Variants in DNHD1 observed in about 807,000 individuals in gnomAD.
DNHD1 encodes the protein dynein heavy chain domain-containing protein 1.
Under a neutral mutation model 458.1 loss-of-function variants are expected in DNHD1, and 383 were observed. That is an observed-to-expected ratio of 0.84 (90% CI 0.77 to 0.91). The LOEUF is 0.91. Ranked by LOEUF, DNHD1 falls within the 40% of genes least tolerant of loss-of-function variation. The pLI is 0.00. For synonymous variants in DNHD1, 2,203 were observed against 2,376.9 expected (o/e 0.93, Z 2.13); for missense variants, 5,336 against 5,866.1 (o/e 0.91, Z 2.95).
intron 10 of DNHD1, among the ~76,000 whole-genome samples, chr11:6,527,667 A>G (rs1306075964): frequency 6.6e-6 from 1 of 152,218 alleles, no homozygotes; most frequent in Non-Finnish European, 1.5e-5. Context: ...GAGCAAATAT[A>G]TGGTACTTAC....
At chr11:6,511,967 G>GATATTC (rs1025323129) in intron 7 of DNHD1, among the ~76,000 whole-genome samples, 102 of 152,262 alleles carry the variant, frequency 6.7e-4, no homozygotes, top group African/African-American at 2.3e-3. Flanking sequence ...GGTGGGGCTG[G>GATATTC]ATATTCACAC....
In DNHD1 at chr11:6,533,869, A is replaced by C; in HGVS notation, c.2694A>C (p.Leu898=). ...GCCCTCCTCCCCCACAACCACATCT[A>C]CTCCACTGCCCTCTGCTTGCCCCAC... ...PPCPPPPQPH[L]LHCPLLAPQL... The change falls in exon 14 of 43, where the codon CTA becomes CTC. Residue 898 remains leucine (L), a synonymous_variant. Coordinates refer to ENST00000254579, the MANE Select transcript of DNHD1 (RefSeq NM_144666.3). 1 of 1,549,074 alleles carries C rather than the reference A, an allele frequency of 6.5e-7. No individual in the cohort carries two copies. Among genetic ancestry groups the C allele is most frequent in the Middle Eastern group, 1.7e-4 (1 of 5,992 alleles).
chr11:6,553,899 A>C (rs1853410978), intron 24 of DNHD1, among the ~76,000 whole-genome samples: 1 of 152,202 alleles, frequency 6.6e-6, no homozygotes, highest in East Asian at 1.9e-4. Flanking sequence ...AGTATCATTA[A>C]GGTCTTCATT....
chr11:6,555,220 CTG>C (rs1491265124), intron 24 of DNHD1, among the ~76,000 whole-genome samples: 2,075 of 60,414 alleles, frequency 0.034, 17 homozygotes, highest in Middle Eastern at 0.11. Context: ...GTCTCTCTCT[CTG>C]TCTCTTTCTC....
Position 6,547,195 on chromosome 11 carries a change from T to C in DNHD1, c.6256T>C (p.Cys2086Arg), listed in dbSNP as rs1246428819. The change falls in exon 21 of 43, where the codon TGT (cysteine) becomes CGT (arginine). Residue 2086 changes from cysteine (C) to arginine (R), a missense_variant. By Grantham distance (180) the Cys-to-Arg change is radical. Around this residue, in one of 4 missense-constraint regions of DNHD1, gnomAD observed 3,932 missense variants for 4,365.6 expected, o/e 0.90. Transcript: ENST00000254579. ...ESIGIQHWII[C>R]DGASNGAWLD... ...AATCGGGATCCAGCACTGGATAATA[T>C]GTGATGGAGCCTCCAATGGTGCTTG... 5.2e-6 allele frequency: 8 copies of C among 1,551,674 alleles called. No homozygotes were observed. The East Asian group carries it at 1.7e-4, about 33-fold the overall frequency.
intron 10 of DNHD1, among the ~76,000 whole-genome samples, chr11:6,521,999 G>C (rs1316795364): frequency 6.6e-6 from 1 of 152,190 alleles, no homozygotes; most frequent in Non-Finnish European, 1.5e-5. Context: ...TTACAGGCAT[G>C]AGCCACTGTG....
rs1853496872 is a variant in DNHD1 at position 6,557,659 on chromosome 11, G to A, written c.8364G>A (p.Lys2788=). 1.9e-6 allele frequency: 3 copies of A among 1,551,758 alleles called. No individual in the cohort carries two copies. The highest frequency in any genetic ancestry group is 1.7e-4 in the Middle Eastern group (1 of 5,992). The change falls in exon 25 of 43, where the codon AAG becomes AAA. Residue 2788 remains lysine (K), a synonymous_variant. Transcript: ENST00000254579. ...GGCTCCAGGTAAGGAGATCATTCAA[G>A]ACTTGGTGGCAGAAGAAACCCCAGA... The part of the protein sequence containing the change: ...NYRLQVRRSF[K]TWWQKKPQMD...
chr11:6,550,042 T>C (rs1328676094), intron 24 of DNHD1, among the ~76,000 whole-genome samples: 1 of 152,214 alleles, frequency 6.6e-6, no homozygotes. Flanking sequence ...AAGTCTCTTA[T>C]GAGATGTAGA....
At chr11:6,534,215 G>A (rs1204135837) in intron 14 of DNHD1, 42 bp downstream of exon 14, 2 of 1,527,160 alleles carry the variant, frequency 1.3e-6, no homozygotes, top group South Asian at 1.2e-5. Context: ...CTCTGTGATA[G>A]ACCCTTCAAC....
rs567365515 is a variant in DNHD1, at chr11:6,513,258, G to A, written c.1392+1829G>A. 2.2e-3 allele frequency among the ~76,000 whole-genome samples: 338 copies of A among 152,302 alleles called. 1 individual carries two copies. Among genetic ancestry groups the A allele is most frequent in the Non-Finnish European group, 3.6e-3 (245 of 68,028 alleles). On this transcript the variant is annotated intron_variant, in intron 7 of 42. Coordinates refer to ENST00000254579, the MANE Select transcript of DNHD1 (RefSeq NM_144666.3). ...CATATACAGTAGACAAATTTTAACT[G>A]TAAAGTTGTTGAATTTTTTGCATTT... is the stretch of plus-strand genomic sequence containing the variant.
In DNHD1 at chr11:6,519,630, T is replaced by C; in HGVS notation, c.1423T>C (p.Cys475Arg). The C allele has an allele frequency of 6.2e-7, 1 of 1,614,130 alleles. No individual in the cohort carries two copies. The change falls in exon 8 of 43, where the codon TGC (cysteine) becomes CGC (arginine). Residue 475 changes from cysteine (C) to arginine (R), a missense_variant. By Grantham distance (180) the Cys-to-Arg change is radical. This residue lies in a region of DNHD1 where 3,932 missense variants were observed against 4,365.6 expected (regional missense o/e 0.90). Transcript: ENST00000254579. The stretch of plus-strand genomic sequence containing the variant: ...CGAGGACACATACCACATGCAACAG[T>C]GCCTACAGGAGCGAGTACAAAACTG... Reference protein sequence around the residue: ...VHEDTYHMQQCLQERVQNCDR... With the variant: ...VHEDTYHMQQRLQERVQNCDR...
At chr11:6,523,974 A>T (rs150371461) in intron 10 of DNHD1, among the ~76,000 whole-genome samples, 5 of 152,306 alleles carry the variant, frequency 3.3e-5, no homozygotes, top group African/African-American at 9.6e-5. Context: ...GGTGACAGAG[A>T]TACCAAATCT....
chr11:6,535,509 C>T (rs1308909682), intron 14 of DNHD1, among the ~76,000 whole-genome samples: 2 of 152,084 alleles, frequency 1.3e-5, no homozygotes, highest in African/African-American at 4.8e-5. Flanking sequence ...CATTTTATAC[C>T]AGAAAGTAAG....
intron 10 of DNHD1, 84 bp from the exon 11 acceptor site, chr11:6,528,426 TGTGTGTGTGTAC>T (rs1273915091): frequency 2.8e-5 from 37 of 1,302,776 alleles, no homozygotes; most frequent in Admixed American, 4.7e-5. Flanking sequence ...TGTGTGTGTG[TGTGTGTGTGTAC>T]ACACACTGAG....
chr11:6,547,762 T>C (rs1853255355), intron 21 of DNHD1, 96 bp downstream of exon 21: 3 of 1,493,826 alleles, frequency 2.0e-6, no homozygotes, highest in Non-Finnish European at 1.8e-6. Context: ...TTGGTGGATC[T>C]GGGCCAGGAG....
chr11:6,570,474 C>T, intron 41 of DNHD1, 78 bp downstream of exon 41: 1 of 1,505,610 alleles, frequency 6.6e-7, no homozygotes, highest in Non-Finnish European at 8.9e-7. Context: ...ATGTGGACAG[C>T]AGTCTCAATA....
chr11:6,533,947 G>C lies in DNHD1; in HGVS notation c.2772G>C (p.Glu924Asp). 6.4e-7 allele frequency: 1 copy of C among 1,551,362 alleles called. No homozygotes were observed. Among genetic ancestry groups the C allele is most frequent in the Non-Finnish European group, 8.7e-7 (1 of 1,146,936 alleles). The stretch of plus-strand genomic sequence containing the variant: ...AGTTTGAGAAAAGCCAGGCTTCAGA[G>C]TTCCTGCTCAGCAAGCGACATGCCA... ...AFQFEKSQASEFLLSKRHAIM... is the reference protein window; with the variant it reads ...AFQFEKSQASDFLLSKRHAIM... The change falls in exon 14 of 43, where the codon GAG becomes GAC. Residue 924 changes from glutamate (E) to aspartate (D), a missense_variant. Physicochemically the swap from Glu to Asp is conservative, Grantham distance 45. Transcript: ENST00000254579.
At chr11:6,542,979 A>G (rs1467016991) in intron 18 of DNHD1, among the ~76,000 whole-genome samples, 1 of 152,210 alleles carries the variant, frequency 6.6e-6, no homozygotes, top group East Asian at 1.9e-4. Flanking sequence ...AGAAAAGCTG[A>G]AGTACAGTTA....
rs769797405 is a variant in DNHD1, at chr11:6,544,561, G to A, written c.3755-13G>A. On this transcript the variant is annotated splice_polypyrimidine_tract_variant and intron_variant, in intron 19 of 42. Transcript: ENST00000254579. ...AGTGTTTCCCACCAGCATTCCTCTG[G>A]CTGCTTACACAGGTGCCCTGCTGGA... The A allele has an allele frequency of 2.3e-5, 35 of 1,548,070 alleles. 1 individual carries two copies. In the South Asian group the frequency reaches 3.8e-4, roughly 17 times the overall value.
Sources: gnomAD v4.1 joint callset for allele counts (sites outside exome capture counted in the v4.1 genomes callset) on GRCh38, gnomAD v4.1.1 for gene constraint, gnomAD v4.1.1 regional missense constraint, MANE v1.5 for transcripts, NCBI Gene and HGNC (gene_info 2026-07-23, HGNC 2026-07-21) for gene names.